FBXL17: variants seen among roughly 807,000 people sequenced by gnomAD.
The protein encoded by FBXL17 is F-box/LRR-repeat protein 17.
In FBXL17, 22 loss-of-function variants were observed where a neutral mutation model predicts 66.2. The observed-to-expected ratio is 0.33, with a 90% CI of 0.24 to 0.47. FBXL17 has a LOEUF of 0.47. FBXL17 is among the 20% of genes least tolerant of loss of function. The pLI, the probability that FBXL17 is intolerant of heterozygous loss-of-function variation, is 1.00. For missense variants in FBXL17, 878 were observed against 948.2 expected (o/e 0.93, Z 0.97); for synonymous variants, 474 against 400.5 (o/e 1.18, Z -2.19).
intron 7 of FBXL17, among the ~76,000 whole-genome samples, chr5:107,994,742 G>A (rs1753401436): frequency 6.6e-6 from 1 of 152,088 alleles, no homozygotes; most frequent in African/African-American, 2.4e-5. Flanking sequence ...GGAGGCTGAG[G>A]CAGGAAAATC....
intron 6 of FBXL17, among the ~76,000 whole-genome samples, chr5:108,098,746 TAA>T (rs10649679): frequency 7.6e-5 from 9 of 118,518 alleles, no homozygotes; most frequent in Non-Finnish European, 1.0e-4. Flanking sequence ...CTCTGTCTCA[TAA>T]AAAAAAAAAA....
intron 7 of FBXL17, among the ~76,000 whole-genome samples, chr5:108,001,842 T>TA (rs11361605): frequency 0.011 from 1,656 of 146,860 alleles, 37 homozygotes; most frequent in African/African-American, 0.038. Context: ...ATCTCAAAAT[T>TA]AAAAAAAAAA....
intron 4 of FBXL17, among the ~76,000 whole-genome samples, chr5:108,234,125 C>T (rs58308898): frequency 1.3e-5 from 2 of 152,186 alleles, no homozygotes; most frequent in African/African-American, 4.8e-5. Flanking sequence ...ACAGGCAGTA[C>T]AGGGTCACCA....
At chr5:107,946,533 C>G (rs1751304369) in intron 7 of FBXL17, among the ~76,000 whole-genome samples, 1 of 150,640 alleles carries the variant, frequency 6.6e-6, no homozygotes, top group Non-Finnish European at 1.5e-5. Flanking sequence ...CCTCCAACTC[C>G]TGGCCTCAAG....
chr5:107,905,612 G>A (rs1308580782), intron 7 of FBXL17, among the ~76,000 whole-genome samples: 1 of 152,080 alleles, frequency 6.6e-6, no homozygotes, highest in Non-Finnish European at 1.5e-5. Context: ...GTTAAATACA[G>A]CCAACAACAG....
chr5:108,090,809 C>T (rs1409595914), intron 6 of FBXL17, among the ~76,000 whole-genome samples: 1 of 152,206 alleles, frequency 6.6e-6, no homozygotes, highest in Non-Finnish European at 1.5e-5. Context: ...CTCTATCTCA[C>T]AAGACTTACC....
intron 6 of FBXL17, among the ~76,000 whole-genome samples, chr5:108,184,290 G>A (rs1288999502): frequency 6.6e-6 from 1 of 151,910 alleles, no homozygotes; most frequent in Non-Finnish European, 1.5e-5. Flanking sequence ...CGGATGTGGT[G>A]GTACACACTT....
chr5:107,994,663 C>T (rs1181636220), intron 7 of FBXL17, among the ~76,000 whole-genome samples: 2 of 152,062 alleles, frequency 1.3e-5, no homozygotes, highest in African/African-American at 4.8e-5. Flanking sequence ...GATGGTGAAA[C>T]CCCATCTCTA....
At chr5:108,333,980 T>C (rs559789555) in intron 4 of FBXL17, among the ~76,000 whole-genome samples, 4 of 152,296 alleles carry the variant, frequency 2.6e-5, no homozygotes, top group Admixed American at 6.5e-5. Context: ...AATGATCTAA[T>C]TGAAGTTACA....
At chr5:108,273,731 T>C (rs556182820) in intron 4 of FBXL17, among the ~76,000 whole-genome samples, 1 of 152,310 alleles carries the variant, frequency 6.6e-6, no homozygotes, top group East Asian at 1.9e-4. Flanking sequence ...TGATTTGATA[T>C]ATGCAGAAAG....
At chr5:108,161,088 A>G (rs966079078) in intron 6 of FBXL17, among the ~76,000 whole-genome samples, 1 of 152,196 alleles carries the variant, frequency 6.6e-6, no homozygotes, top group Non-Finnish European at 1.5e-5. Flanking sequence ...AAGATTATGC[A>G]TAAATGGTAG....
intron 8 of FBXL17, among the ~76,000 whole-genome samples, chr5:107,869,860 A>C (rs1311752289): frequency 2.0e-5 from 3 of 152,150 alleles, no homozygotes; most frequent in Non-Finnish European, 4.4e-5. Context: ...CCTTTCTCAG[A>C]CAAACCAAGG....
intron 7 of FBXL17, among the ~76,000 whole-genome samples, chr5:107,885,634 T>G (rs1285206186): frequency 2.0e-5 from 3 of 152,176 alleles, no homozygotes; most frequent in Non-Finnish European, 4.4e-5. Context: ...GATTTTCAAA[T>G]CATTAAGTAA....
chr5:107,952,470 T>C (rs1751527560), intron 7 of FBXL17, among the ~76,000 whole-genome samples: 1 of 152,228 alleles, frequency 6.6e-6, no homozygotes, highest in African/African-American at 2.4e-5. Context: ...TTTAATATAA[T>C]TGTTTCTTAT....
intron 4 of FBXL17, among the ~76,000 whole-genome samples, chr5:108,260,190 A>G (rs1756754312): frequency 6.6e-6 from 1 of 152,028 alleles, no homozygotes; most frequent in Admixed American, 6.6e-5. Context: ...ACAGGAGAGG[A>G]CTAGTTGTTA....
intron 6 of FBXL17, among the ~76,000 whole-genome samples, chr5:108,175,169 T>G (rs745662608): frequency 9.2e-5 from 14 of 152,290 alleles, no homozygotes; most frequent in African/African-American, 2.6e-4. Flanking sequence ...CCAACACGAA[T>G]GTATTAAATT....
intron 6 of FBXL17, among the ~76,000 whole-genome samples, chr5:108,070,115 C>T (rs1748272769): frequency 6.6e-6 from 1 of 152,076 alleles, no homozygotes; most frequent in Non-Finnish European, 1.5e-5. Context: ...TGTAAATGAG[C>T]CTGTGAATGT....
chr5:108,075,840 T>G (rs2149913563), intron 6 of FBXL17, among the ~76,000 whole-genome samples: 1 of 152,310 alleles, frequency 6.6e-6, no homozygotes, highest in South Asian at 2.1e-4. Flanking sequence ...AAGTCAAGGT[T>G]ATCATGTCAT....
chr5:107,980,066 G>T (rs1752747925), intron 7 of FBXL17, among the ~76,000 whole-genome samples: 2 of 152,144 alleles, frequency 1.3e-5, no homozygotes, highest in Non-Finnish European at 1.5e-5. Context: ...CCACATGCGT[G>T]AACCTATGTA....
Sources: gnomAD v4.1 joint callset for allele counts (sites outside exome capture counted in the v4.1 genomes callset) on GRCh38, gnomAD v4.1.1 for gene constraint, MANE v1.5 for transcripts, NCBI Gene and HGNC (gene_info 2026-07-23, HGNC 2026-07-21) for gene names.